The following SEMA3A variants were observed in gnomAD, a reference collection of about 807,000 sequenced individuals.
SEMA3A encodes semaphorin-3A.
A neutral mutation model predicts 97.9 loss-of-function variants in SEMA3A; 29 were observed. That is an observed-to-expected ratio of 0.30 (90% CI 0.22 to 0.40). The LOEUF (loss-of-function observed/expected upper bound fraction) is 0.40. SEMA3A is among the 10% of genes least tolerant of loss of function. The probability of loss-of-function intolerance (pLI) is 1.00; values close to 1 mark genes in which losing one functional copy is unlikely to be tolerated. For synonymous variants in SEMA3A, 321 were observed against 323.7 expected (o/e 0.99, Z 0.09); for missense variants, 763 against 951.3 (o/e 0.80, Z 2.60).
At chr7:84,477,099 A>C (rs1266071258) in intron 1 of SEMA3A, among the ~76,000 whole-genome samples, 1 of 147,030 alleles carries the variant, frequency 6.8e-6, no homozygotes, top group Non-Finnish European at 1.5e-5. Flanking sequence ...TATATTTTTC[A>C]AAAAAAATCC....
chr7:84,463,548 T>C (rs1362956146), intron 1 of SEMA3A, among the ~76,000 whole-genome samples: 1 of 151,908 alleles, frequency 6.6e-6, no homozygotes, highest in African/African-American at 2.4e-5. Context: ...GCGCCTGGCG[T>C]TTTTTTGTAA....
At chr7:84,126,359 C>T (rs1469683814) in intron 3 of SEMA3A, among the ~76,000 whole-genome samples, 1 of 152,076 alleles carries the variant, frequency 6.6e-6, no homozygotes, top group Non-Finnish European at 1.5e-5. Context: ...GCATGTGCCA[C>T]CACGCCTGGC....
chr7:84,394,349 T>C (rs1803669972), intron 1 of SEMA3A, among the ~76,000 whole-genome samples: 1 of 142,018 alleles, frequency 7.0e-6, no homozygotes, highest in African/African-American at 2.5e-5. Flanking sequence ...GCACACCATA[T>C]GATTTAGAAA....
intron 1 of SEMA3A, among the ~76,000 whole-genome samples, chr7:84,490,313 T>C (rs982404140): frequency 1.3e-5 from 2 of 151,998 alleles, no homozygotes; most frequent in Admixed American, 6.6e-5. Flanking sequence ...CACTCAGCTA[T>C]ACTTGTCAAT....
intron 3 of SEMA3A, among the ~76,000 whole-genome samples, chr7:84,273,777 C>T (rs1219390853): frequency 1.3e-5 from 2 of 151,930 alleles, no homozygotes; most frequent in African/African-American, 4.8e-5. Context: ...GGCTCTTTGT[C>T]CTGCTCTATT....
chr7:84,180,926 T>C (rs997678241), intron 1 of SEMA3A, among the ~76,000 whole-genome samples: 3 of 152,174 alleles, frequency 2.0e-5, no homozygotes, highest in Non-Finnish European at 4.4e-5. Flanking sequence ...ATATTCATTA[T>C]AATGATTCAC....
intron 1 of SEMA3A, among the ~76,000 whole-genome samples, chr7:84,446,768 T>G (rs1805423800): frequency 6.6e-6 from 1 of 152,154 alleles, no homozygotes; most frequent in Non-Finnish European, 1.5e-5. Flanking sequence ...CTTGCACCAC[T>G]GATGGTAGTG....
Position 84,472,354 on chromosome 7 carries a change from A to C in SEMA3A, c.-246+20106T>G, listed in dbSNP as rs913732528. ...TGGGATGTGGGTTGGGACAAGGAGG[A>C]GCTGAGGTAAAGATGTAGATCTTAA... On this transcript the variant is annotated intron_variant, in intron 1 of 3. Coordinates refer to the SEMA3A transcript ENST00000424555. Among the ~76,000 whole-genome samples the C allele has an allele frequency of 5.9e-5, 9 of 152,136 alleles. 1 individual carries two copies. Among genetic ancestry groups the C allele is most frequent in the Non-Finnish European group, 1.2e-4 (8 of 68,002 alleles).
intron 1 of SEMA3A, among the ~76,000 whole-genome samples, chr7:84,142,473 G>C (rs1796322843): frequency 6.6e-6 from 1 of 152,170 alleles, no homozygotes. Context: ...CACAGAGCTA[G>C]TATGATGTAG....
intron 14 of SEMA3A, among the ~76,000 whole-genome samples, chr7:83,977,808 CT>C (rs1368534487): frequency 7.1e-4 from 78 of 109,914 alleles, no homozygotes; most frequent in Admixed American, 9.7e-4. Context: ...TTCTTTCTTT[CT>C]TTTTTTTTTT....
chr7:84,467,549 A>AAT (rs1485184427), intron 1 of SEMA3A, among the ~76,000 whole-genome samples: 1 of 150,752 alleles, frequency 6.6e-6, no homozygotes, highest in Non-Finnish European at 1.5e-5. Context: ...AAAAAAAAAA[A>AAT]AATTCAATTC....
At chr7:84,438,557 G>A (rs878973642) in intron 1 of SEMA3A, among the ~76,000 whole-genome samples, 13 of 152,220 alleles carry the variant, frequency 8.5e-5, no homozygotes, top group African/African-American at 2.4e-4. Flanking sequence ...CGTGAAGCAT[G>A]AGCTACTTCA....
intron 12 of SEMA3A, 54 bp from the exon 13 acceptor site, chr7:83,985,531 A>G: frequency 7.1e-7 from 1 of 1,414,850 alleles, no homozygotes; most frequent in South Asian, 1.2e-5. Flanking sequence ...ACAGCCAGCT[A>G]TTAGTTAATT....
At chr7:83,989,886 T>C (rs1389950304) in intron 12 of SEMA3A, among the ~76,000 whole-genome samples, 1 of 151,168 alleles carries the variant, frequency 6.6e-6, no homozygotes, top group Non-Finnish European at 1.5e-5. Context: ...CCCTGAGGAA[T>C]TACCACACTG....
In SEMA3A at chr7:84,463,547, G is replaced by GT. The variant is rs1458195955; in HGVS notation, c.-246+28912dup. ...ACAGGCGTGAGCCACCGCGCCTGGCGTTTTTTTGTAACTATTTAGCTTTGA... is the reference window on the plus strand; with the variant it reads ...ACAGGCGTGAGCCACCGCGCCTGGCGTTTTTTTTGTAACTATTTAGCTTTGA... On this transcript the variant is annotated intron_variant, in intron 1 of 3. Transcript: ENST00000424555. Among the ~76,000 whole-genome samples the GT allele has an allele frequency of 1.4e-4, 22 of 151,842 alleles. No homozygotes were observed. In the South Asian group the frequency reaches 1.9e-3, roughly 13 times the overall value.
intron 6 of SEMA3A, among the ~76,000 whole-genome samples, chr7:84,026,742 C>T (rs1046395043): frequency 6.6e-6 from 1 of 152,102 alleles, no homozygotes; most frequent in Non-Finnish European, 1.5e-5. Flanking sequence ...CAAACTAACA[C>T]AGGAACAGAA....
intron 6 of SEMA3A, among the ~76,000 whole-genome samples, chr7:84,025,397 C>T (rs942589412): frequency 3.3e-5 from 5 of 152,112 alleles, no homozygotes; most frequent in Non-Finnish European, 7.3e-5. Flanking sequence ...AGCTATGCCA[C>T]AACATACAGA....
intron 1 of SEMA3A, among the ~76,000 whole-genome samples, chr7:84,393,163 C>T (rs1173686498): frequency 3.9e-5 from 6 of 152,072 alleles, no homozygotes; most frequent in South Asian, 4.1e-4. Flanking sequence ...TTCTTCTAGA[C>T]ATTTTTAAGT....
chr7:84,288,670 C>A (rs1229425482), intron 3 of SEMA3A, among the ~76,000 whole-genome samples: 1 of 151,996 alleles, frequency 6.6e-6, no homozygotes, highest in Non-Finnish European at 1.5e-5. Context: ...TGCACTCTAG[C>A]CTGGGCAACA....
Sources: gnomAD v4.1 joint callset for allele counts (sites outside exome capture counted in the v4.1 genomes callset) on GRCh38, gnomAD v4.1.1 for gene constraint, MANE v1.5 for transcripts, NCBI Gene and HGNC (gene_info 2026-07-23, HGNC 2026-07-21) for gene names.